SLC2A9: variants seen among roughly 807,000 people sequenced by gnomAD.
SLC2A9 encodes solute carrier family 2 member 9, also known as solute carrier family 2, facilitated glucose transporter member 9.
SLC2A9 carries 39 observed loss-of-function variants against 50.6 expected under a neutral mutation model. That is an observed-to-expected ratio of 0.77 (90% CI 0.60 to 1.01). The LOEUF is 1.01. SLC2A9 is among the 50% of genes least tolerant of loss of function. The pLI, the probability that SLC2A9 is intolerant of heterozygous loss-of-function variation, is 0.00. For missense variants in SLC2A9, 686 were observed against 677.6 expected (o/e 1.01, Z -0.14); for synonymous variants, 324 against 276.9 (o/e 1.17, Z -1.69).
At chr4:9,985,960 C>T (rs1756644669) in intron 3 of SLC2A9, among the ~76,000 whole-genome samples, 167 bp from the exon 4 acceptor site, 1 of 152,220 alleles carries the variant, frequency 6.6e-6, no homozygotes, top group African/African-American at 2.4e-5. Flanking sequence ...TGACTGGGTT[C>T]AGCCCTGGGG....
chr4:9,895,649 G>GTTCC (rs1738410672), intron 8 of SLC2A9, among the ~76,000 whole-genome samples: 1 of 152,164 alleles, frequency 6.6e-6, no homozygotes, highest in Non-Finnish European at 1.5e-5. Context: ...AAATAATAAT[G>GTTCC]GGAACCTTTT....
At chr4:10,003,621 T>C (rs1457269040) in intron 2 of SLC2A9, among the ~76,000 whole-genome samples, 2 of 152,168 alleles carry the variant, frequency 1.3e-5, no homozygotes, top group Admixed American at 1.3e-4. Flanking sequence ...AATTCAGCAA[T>C]AGCCCAGGTG....
chr4:9,990,267 C>A (rs1757460481), intron 3 of SLC2A9, among the ~76,000 whole-genome samples: 1 of 152,124 alleles, frequency 6.6e-6, no homozygotes, highest in South Asian at 2.1e-4. Flanking sequence ...AGGATGGCCA[C>A]ACTGGGGAGA....
intron 1 of SLC2A9, among the ~76,000 whole-genome samples, chr4:10,037,752 C>T (rs1054532336): frequency 2.6e-5 from 4 of 151,992 alleles, no homozygotes; most frequent in African/African-American, 7.3e-5. Flanking sequence ...AGTTCAAGAC[C>T]AGCCTGAGCG....
intron 7 of SLC2A9, among the ~76,000 whole-genome samples, chr4:9,909,382 C>A (rs1741279202): frequency 6.6e-6 from 1 of 152,174 alleles, no homozygotes; most frequent in Non-Finnish European, 1.5e-5. Context: ...CCAGCCCTCG[C>A]AACTTATTTC....
At chr4:9,929,803 C>G (rs764229725) in intron 6 of SLC2A9, among the ~76,000 whole-genome samples, 2 of 152,144 alleles carry the variant, frequency 1.3e-5, no homozygotes, top group Non-Finnish European at 2.9e-5. Flanking sequence ...TAACATCATA[C>G]TACAGATGGG....
rs140727873 is a variant in SLC2A9 at position 10,028,520 on chromosome 4, C to A, written c.-40-2514G>T. ...ACCTCTCTGAGCTCAGCTTCCCTAC[C>A]TGCATCACAGGAAGGACAACATTAT... On this transcript the variant is annotated intron_variant, in intron 1 of 12. Coordinates refer to the SLC2A9 transcript ENST00000309065. 2.4e-3 allele frequency among the ~76,000 whole-genome samples: 367 copies of A among 152,234 alleles called. 6 individuals carry two copies. The highest frequency in any genetic ancestry group is 8.6e-3 in the African/African-American group (358 of 41,540).
At chr4:9,844,132 G>A (rs1728528767) in intron 10 of SLC2A9, among the ~76,000 whole-genome samples, 2 of 135,978 alleles carry the variant, frequency 1.5e-5, no homozygotes, top group South Asian at 4.7e-4. Context: ...GAAACTTGGT[G>A]GAAGAGCCAG....
chr4:9,826,627 T>C, intron 11 of SLC2A9, 27 bp from the exon 12 acceptor site: 1 of 1,601,798 alleles, frequency 6.2e-7, no homozygotes, highest in Admixed American at 1.7e-5. Context: ...ACAAAAACCC[T>C]CAAATAGATA....
At chr4:9,783,436 A>G in intron 3 of SLC2A9, 1 of 1,611,864 alleles carries the variant, frequency 6.2e-7, no homozygotes, top group African/African-American at 1.3e-5. Flanking sequence ...ACAAAATAAC[A>G]CCTTTCACCC....
chr4:9,912,121 C>T (rs1409589023), intron 7 of SLC2A9, among the ~76,000 whole-genome samples: 2 of 152,074 alleles, frequency 1.3e-5, no homozygotes, highest in African/African-American at 4.8e-5. Context: ...AGGGGAATAT[C>T]ACACACCAGT....
chr4:9,976,653 G>C (rs1754847543), intron 5 of SLC2A9, among the ~76,000 whole-genome samples: 1 of 152,240 alleles, frequency 6.6e-6, no homozygotes, highest in African/African-American at 2.4e-5. Context: ...CTGATGGGAA[G>C]AGACAGCCTA....
intron 5 of SLC2A9, among the ~76,000 whole-genome samples, chr4:9,952,846 A>G (rs1293251298): frequency 2.0e-5 from 3 of 152,206 alleles, no homozygotes; most frequent in African/African-American, 7.2e-5. Flanking sequence ...GGCCAAATAC[A>G]ATGTTTGATA....
At chr4:10,017,632 A>C (rs1248176189) in intron 2 of SLC2A9, among the ~76,000 whole-genome samples, 1 of 152,212 alleles carries the variant, frequency 6.6e-6, no homozygotes, top group East Asian at 1.9e-4. Flanking sequence ...AAACTCACTG[A>C]CCCAGGCTTC....
At chr4:9,809,119 A>C (rs1722516696) in intron 3 of SLC2A9, among the ~76,000 whole-genome samples, 1 of 152,232 alleles carries the variant, frequency 6.6e-6, no homozygotes, top group Non-Finnish European at 1.5e-5. Flanking sequence ...AATGTACATT[A>C]AACTAAGGTT....
At chr4:9,907,274 A>C (rs1204332925) in intron 8 of SLC2A9, among the ~76,000 whole-genome samples, 1 of 152,252 alleles carries the variant, frequency 6.6e-6, no homozygotes, top group African/African-American at 2.4e-5. Context: ...TAAAGAGGAC[A>C]ACTGAAGCTC....
intron 5 of SLC2A9, among the ~76,000 whole-genome samples, chr4:9,946,464 G>A (rs896711713): frequency 3.9e-5 from 6 of 152,188 alleles, no homozygotes; most frequent in Non-Finnish European, 7.3e-5. Flanking sequence ...CCCCAGACAA[G>A]GGAGCACGGT....
At chr4:9,977,820 C>T (rs1026812289) in intron 5 of SLC2A9, among the ~76,000 whole-genome samples, 4 of 152,090 alleles carry the variant, frequency 2.6e-5, no homozygotes, top group Non-Finnish European at 2.9e-5. Flanking sequence ...CTGTGACCTC[C>T]GAAGGGCAGG....
At chr4:10,025,981 G>C, upstream of SLC2A9, 1 of 1,613,700 alleles carries the variant, frequency 6.2e-7, no homozygotes, top group Non-Finnish European at 8.5e-7. Flanking sequence ...CACTTTTCAG[G>C]TTTTGAACTT....
Sources: gnomAD v4.1 joint callset for allele counts (sites outside exome capture counted in the v4.1 genomes callset) on GRCh38, gnomAD v4.1.1 for gene constraint, MANE v1.5 for transcripts, NCBI Gene and HGNC (gene_info 2026-07-23, HGNC 2026-07-21) for gene names.